The following CPNE4 variants were observed in gnomAD, a reference collection of about 807,000 sequenced individuals.
CPNE4 encodes copine 4.
Under a neutral mutation model 67.9 loss-of-function variants are expected in CPNE4, and 25 were observed. That is an observed-to-expected ratio of 0.37 (90% CI 0.27 to 0.51). CPNE4 has a LOEUF of 0.51. CPNE4 is among the 20% of genes least tolerant of loss of function. The pLI, the probability that CPNE4 is intolerant of heterozygous loss-of-function variation, is 0.93. For missense variants in CPNE4, 464 were observed against 690.8 expected, an observed-to-expected ratio of 0.67 and a Z score of 3.68; for synonymous variants, 242 against 244.9, an observed-to-expected ratio of 0.99 and a Z score of 0.11.
intron 1 of CPNE4, among the ~76,000 whole-genome samples, chr3:132,028,076 C>T (rs958701571): frequency 1.3e-5 from 2 of 152,176 alleles, no homozygotes; most frequent in African/African-American, 4.8e-5. Context: ...GATGAAATTA[C>T]TACATACAGG....
chr3:131,785,655 C>CTCTCTT (rs911328758), intron 2 of CPNE4, among the ~76,000 whole-genome samples: 3 of 130,478 alleles, frequency 2.3e-5, no homozygotes, highest in African/African-American at 8.3e-5. Flanking sequence ...AGCACTCTCT[C>CTCTCTT]TCTCTCTTTC....
chr3:131,926,567 A>T (rs1411332073), intron 1 of CPNE4, among the ~76,000 whole-genome samples: 5 of 152,150 alleles, frequency 3.3e-5, no homozygotes, highest in Non-Finnish European at 7.4e-5. Context: ...TGAACCCAGA[A>T]ATGAAAACTT....
At chr3:132,012,053 C>A (rs1380622234) in intron 1 of CPNE4, among the ~76,000 whole-genome samples, 2 of 151,998 alleles carry the variant, frequency 1.3e-5, no homozygotes, top group African/African-American at 4.8e-5. Flanking sequence ...CTTTGGGGCC[C>A]ATATGGTCCC....
chr3:131,950,238 T>C (rs960683502), intron 1 of CPNE4, among the ~76,000 whole-genome samples: 10 of 152,192 alleles, frequency 6.6e-5, no homozygotes, highest in African/African-American at 2.4e-4. Context: ...ATATTGTTGA[T>C]GCATTAACAG....
intron 2 of CPNE4, among the ~76,000 whole-genome samples, chr3:131,748,558 C>T (rs1229529141): frequency 7.9e-5 from 12 of 151,918 alleles, no homozygotes; most frequent in African/African-American, 2.9e-4. Context: ...CCAGTGAAAC[C>T]ATCTGGGATG....
intron 3 of CPNE4, among the ~76,000 whole-genome samples, chr3:131,713,473 G>A (rs1341405363): frequency 1.3e-5 from 2 of 152,106 alleles, no homozygotes; most frequent in East Asian, 1.9e-4. Context: ...AAATGAGAAT[G>A]TGTGGAGAGA....
At chr3:131,568,495 G>T (rs941213985) in intron 10 of CPNE4, among the ~76,000 whole-genome samples, 1 of 152,036 alleles carries the variant, frequency 6.6e-6, no homozygotes, top group Non-Finnish European at 1.5e-5. Flanking sequence ...GAGCCACCAC[G>T]TTTTCATTTC....
intron 2 of CPNE4, among the ~76,000 whole-genome samples, chr3:131,819,053 T>C (rs978260073): frequency 3.9e-5 from 6 of 152,132 alleles, no homozygotes; most frequent in Non-Finnish European, 5.9e-5. Context: ...TGAGCGAAGA[T>C]TGTGCCACTG....
chr3:131,792,830 A>T (rs59280673), intron 2 of CPNE4, among the ~76,000 whole-genome samples: 129,331 of 145,334 alleles, frequency 0.89, 57,680 homozygotes, highest in East Asian at 1. Context: ...GTGTATAATG[A>T]GTGCGTGTGT....
At chr3:131,949,219 C>T (rs1270054067) in intron 1 of CPNE4, among the ~76,000 whole-genome samples, 1 of 152,266 alleles carries the variant, frequency 6.6e-6, no homozygotes, top group South Asian at 2.1e-4. Flanking sequence ...AGCCCACTTA[C>T]CAAATACTTA....
intron 1 of CPNE4, among the ~76,000 whole-genome samples, chr3:132,010,161 G>T (rs1277560728): frequency 6.6e-6 from 1 of 152,108 alleles, no homozygotes; most frequent in South Asian, 2.1e-4. Flanking sequence ...TATGGCCTTG[G>T]GCAGATTGCC....
rs141634766 is a variant in CPNE4, at chr3:131,574,487, A to T, written c.927+584T>A. ...TGTAAATCCCAAGGGCACACAAATT[A>T]CATACAGGGGATGATCCTTGATCCA... On this transcript the variant is annotated intron_variant, in intron 10 of 15. Coordinates refer to ENST00000429747, the MANE Select transcript of CPNE4 (RefSeq NM_130808.3). 6.0e-3 allele frequency among the ~76,000 whole-genome samples: 909 copies of T among 152,214 alleles called. 4 individuals carry two copies. The highest frequency in any genetic ancestry group is 0.024 in the Middle Eastern group (7 of 294).
At chr3:131,583,717 G>T (rs1256202660) in intron 8 of CPNE4, among the ~76,000 whole-genome samples, 1 of 152,136 alleles carries the variant, frequency 6.6e-6, no homozygotes, top group Non-Finnish European at 1.5e-5. Context: ...TGGGTAGGGG[G>T]TCCTGATGGA....
intron 3 of CPNE4, among the ~76,000 whole-genome samples, chr3:131,702,887 T>C (rs1239396101): frequency 6.6e-6 from 1 of 152,242 alleles, no homozygotes; most frequent in Non-Finnish European, 1.5e-5. Context: ...TCCCAGGAAA[T>C]ATCCCTTCTT....
At chr3:132,000,884 T>A (rs1389316572) in intron 1 of CPNE4, among the ~76,000 whole-genome samples, 1 of 150,778 alleles carries the variant, frequency 6.6e-6, no homozygotes, top group Non-Finnish European at 1.5e-5. Flanking sequence ...GGATAATACA[T>A]TATATCTCCC....
intron 2 of CPNE4, among the ~76,000 whole-genome samples, chr3:131,865,921 G>A (rs566605094): frequency 7.2e-5 from 11 of 152,302 alleles, no homozygotes; most frequent in Non-Finnish European, 1.5e-4. Flanking sequence ...TCTATGGGGA[G>A]CTGTAAATAG....
chr3:131,622,032 AAAAAAAAGAAAAG>A (rs1385238376), intron 7 of CPNE4, among the ~76,000 whole-genome samples: 15 of 151,608 alleles, frequency 9.9e-5, no homozygotes, highest in East Asian at 1.9e-4. Context: ...AAAAAAAAAA[AAAAAAAAGAAAAG>A]AAAAAAAGAA....
At position 131,782,137 on chromosome 3, in the gene CPNE4, A is replaced by G. The variant is rs80046384; in HGVS notation, c.181-58512T>C. 7.0e-3 allele frequency among the ~76,000 whole-genome samples: 1,066 copies of G among 152,212 alleles called. 14 individuals carry two copies. The highest frequency in any genetic ancestry group is 0.024 in the African/African-American group (1,015 of 41,548). On this transcript the variant is annotated intron_variant, in intron 2 of 15. Transcript: ENST00000429747. ...TCTTCCATTCAATATGCTCTTAAGT[A>G]TCTTCAAAACTCTAAGGACTTCCAA...
chr3:131,890,484 A>G (rs1265658752), intron 2 of CPNE4, among the ~76,000 whole-genome samples: 1 of 151,844 alleles, frequency 6.6e-6, no homozygotes, highest in African/African-American at 2.4e-5. Context: ...GAACCCTTAT[A>G]CACTGTTGGT....
Sources: allele counts gnomAD v4.1 joint callset (sites outside exome capture counted in the v4.1 genomes callset), GRCh38; gene constraint gnomAD v4.1.1; transcripts MANE v1.5; gene names NCBI Gene and HGNC (gene_info 2026-07-23, HGNC 2026-07-21).